GRM7: variants seen among roughly 807,000 people sequenced by gnomAD.
GRM7 encodes the protein glutamate metabotropic receptor 7.
Under a neutral mutation model 84.5 loss-of-function variants are expected in GRM7, and 35 were observed. That is an observed-to-expected ratio of 0.41 (90% CI 0.32 to 0.55). The LOEUF (loss-of-function observed/expected upper bound fraction) is 0.55, where lower values mean the gene tolerates loss of function less well. GRM7 is among the 20% of genes least tolerant of loss of function. The pLI is 0.19. For missense variants in GRM7, 1,003 were observed against 1,194.6 expected, an observed-to-expected ratio of 0.84 and a Z score of 2.36; for synonymous variants, 487 against 455.1, an observed-to-expected ratio of 1.07 and a Z score of -0.89.
intron 1 of GRM7, among the ~76,000 whole-genome samples, chr3:6,871,857 G>A (rs1047437083): frequency 2.6e-5 from 4 of 152,080 alleles, no homozygotes; most frequent in African/African-American, 9.7e-5. Flanking sequence ...GAACGGAACA[G>A]AGGGTAATTG....
chr3:7,485,498 T>G (rs941642182), intron 7 of GRM7, among the ~76,000 whole-genome samples: 1 of 152,256 alleles, frequency 6.6e-6, no homozygotes, highest in South Asian at 2.1e-4. Context: ...GATCTGTTGA[T>G]AATAGCTTTA....
chr3:7,552,174 T>C (rs1361339906), intron 7 of GRM7, among the ~76,000 whole-genome samples: 1 of 152,230 alleles, frequency 6.6e-6, no homozygotes, highest in African/African-American at 2.4e-5. Context: ...CAGTCAAATC[T>C]TAAAGCTCCA....
At chr3:7,070,621 T>C (rs1269799940) in intron 1 of GRM7, among the ~76,000 whole-genome samples, 2 of 152,094 alleles carry the variant, frequency 1.3e-5, no homozygotes, top group Non-Finnish European at 2.9e-5. Context: ...ACTACGGGGA[T>C]ATAACGGATG....
intron 4 of GRM7, among the ~76,000 whole-genome samples, chr3:7,360,522 G>A (rs1265022268): frequency 6.6e-6 from 1 of 151,912 alleles, no homozygotes; most frequent in East Asian, 1.9e-4. Flanking sequence ...GGTTGTAGAT[G>A]GAAAATATTT....
chr3:7,458,308 T>TG (rs1186476752), intron 6 of GRM7, among the ~76,000 whole-genome samples: 1 of 152,184 alleles, frequency 6.6e-6, no homozygotes, highest in Non-Finnish European at 1.5e-5. Flanking sequence ...TAATGCCTTG[T>TG]GGGCATCTCT....
chr3:7,550,766 A>G (rs1051819994), intron 7 of GRM7, among the ~76,000 whole-genome samples: 1 of 151,938 alleles, frequency 6.6e-6, no homozygotes, highest in Non-Finnish European at 1.5e-5. Context: ...TGTTTGGTCT[A>G]TAGCTGTGGT....
chr3:7,074,749 A>G (rs557873477), intron 1 of GRM7, among the ~76,000 whole-genome samples: 1 of 152,330 alleles, frequency 6.6e-6, no homozygotes, highest in African/African-American at 2.4e-5. Flanking sequence ...ACCAATGTAG[A>G]ATAAAGACCA....
chr3:6,924,448 G>GTTAC (rs573362754), intron 1 of GRM7, among the ~76,000 whole-genome samples: 2 of 151,868 alleles, frequency 1.3e-5, no homozygotes, highest in African/African-American at 4.8e-5. Context: ...AGCCCAGACA[G>GTTAC]TTACTTACAC....
At chr3:6,897,007 G>T (rs969733585) in intron 1 of GRM7, among the ~76,000 whole-genome samples, 1 of 152,230 alleles carries the variant, frequency 6.6e-6, no homozygotes, top group Non-Finnish European at 1.5e-5. Context: ...ATTCTTGAGT[G>T]TGGTGTATTT....
At chr3:7,072,421 C>T (rs1479696897) in intron 1 of GRM7, among the ~76,000 whole-genome samples, 1 of 152,118 alleles carries the variant, frequency 6.6e-6, no homozygotes, top group Admixed American at 6.6e-5. Context: ...GTGGCTCATG[C>T]CTGTTATCCC....
intron 2 of GRM7, among the ~76,000 whole-genome samples, chr3:7,176,243 A>T (rs1217735605): frequency 6.9e-6 from 1 of 144,246 alleles, no homozygotes; most frequent in Admixed American, 6.9e-5. Flanking sequence ...AAAAAAAAAA[A>T]AAAAAAAAAA....
chr3:7,568,774 A>G (rs532503367), intron 7 of GRM7, among the ~76,000 whole-genome samples: 3 of 152,262 alleles, frequency 2.0e-5, no homozygotes, highest in South Asian at 2.1e-4. Context: ...GGGTCCCCCA[A>G]CAGTACCGGC....
intron 1 of GRM7, among the ~76,000 whole-genome samples, chr3:6,910,157 G>A (rs1291913440): frequency 1.3e-5 from 2 of 152,212 alleles, no homozygotes; most frequent in East Asian, 3.9e-4. Flanking sequence ...ATATTTAGTA[G>A]ATAGGGTAAA....
rs1441788021 is a variant in GRM7 at position 7,215,773 on chromosome 3, G to C, written c.736+69105G>C. 2.0e-5 allele frequency among the ~76,000 whole-genome samples: 3 copies of C among 152,180 alleles called. No individual in the cohort carries two copies. The East Asian group carries it at 5.8e-4, about 29-fold the overall frequency. On this transcript the variant is annotated intron_variant, in intron 2 of 9. Coordinates refer to ENST00000357716, the MANE Select transcript of GRM7 (RefSeq NM_000844.4). ...TAAAAATGTCTTATGGGTCTTAAAGGCTAGACAAATGTAGTTGTGAATGAA... is the reference window on the plus strand; with the variant it reads ...TAAAAATGTCTTATGGGTCTTAAAGCCTAGACAAATGTAGTTGTGAATGAA...
Position 6,863,123 on chromosome 3 carries a change from C to CTT in GRM7, c.519+1217_519+1218insTT. 3.0e-6 allele frequency: 1 copy of CTT among 337,704 alleles called. No individual in the cohort carries two copies. Among genetic ancestry groups the CTT allele is most frequent in the South Asian group, 2.1e-5 (1 of 46,576 alleles). The allele number at this position is 337,704 out of a possible 1,614,324, so 20.9% of individuals were successfully genotyped here. The stretch of plus-strand genomic sequence containing the variant: ...CTCTCTTTCTGTCTCTGTCTCCTTG[C>CTT]TGTTTTTTTTTTCTCTCTGTTTTTT... On this transcript the variant is annotated intron_variant, in intron 1 of 9. Coordinates refer to ENST00000357716, the MANE Select transcript of GRM7 (RefSeq NM_000844.4). The surrounding 1 kb of genome is among the most constrained non-coding windows in gnomAD (Gnocchi z 4.8).
chr3:7,739,969 C>G (rs912676371), intron 9 of GRM7, among the ~76,000 whole-genome samples: 19 of 152,178 alleles, frequency 1.2e-4, no homozygotes, highest in African/African-American at 4.6e-4. Flanking sequence ...CCAGGACAGA[C>G]CTTTTCCAAG....
At chr3:7,026,945 C>T (rs1696004773) in intron 1 of GRM7, among the ~76,000 whole-genome samples, 1 of 152,212 alleles carries the variant, frequency 6.6e-6, no homozygotes, top group South Asian at 2.1e-4. Context: ...GGCCAATCAA[C>T]TCATCTTCTC....
chr3:7,280,064 A>G (rs1414214115), intron 2 of GRM7, among the ~76,000 whole-genome samples: 3 of 152,226 alleles, frequency 2.0e-5, no homozygotes, highest in Non-Finnish European at 4.4e-5. Context: ...AGAAACAGGC[A>G]TATTTGCTTT....
intron 4 of GRM7, among the ~76,000 whole-genome samples, chr3:7,314,878 T>C (rs989280554): frequency 3.3e-5 from 5 of 152,154 alleles, no homozygotes; most frequent in Non-Finnish European, 7.4e-5. Flanking sequence ...TCTTATGATG[T>C]AGTAGCTCTA....
Sources: allele counts gnomAD v4.1 joint callset (sites outside exome capture counted in the v4.1 genomes callset), GRCh38; gene constraint gnomAD v4.1.1; non-coding constraint Gnocchi (gnomAD v3.1); transcripts MANE v1.5; gene names NCBI Gene and HGNC (gene_info 2026-07-23, HGNC 2026-07-21).